Variants in PCDHGB6 observed in about 807,000 individuals in gnomAD.
The protein encoded by PCDHGB6 is protocadherin gamma-B6.
A neutral mutation model predicts 59.1 loss-of-function variants in PCDHGB6; 51 were observed. The observed-to-expected ratio is 0.86, with a 90% CI of 0.69 to 1.09. The LOEUF (loss-of-function observed/expected upper bound fraction) is 1.09. Among genes scored for constraint, PCDHGB6 ranks in the 50% least tolerant of loss-of-function variants. The pLI is 0.00. For missense variants in PCDHGB6, 1,148 were observed against 1,205.1 expected (o/e 0.95, Z 0.70); for synonymous variants, 466 against 495.1 (o/e 0.94, Z 0.78).
chr5:141,409,437 G>A lies in PCDHGB6; in HGVS notation c.1235G>A (p.Arg412Gln). Residue 412 changes from arginine (R) to glutamine (Q), a missense_variant, in exon 1 of 4, where the codon CGA becomes CAA. This residue lies in a region of PCDHGB6 where 549 missense variants were observed against 527.5 expected (regional missense o/e 1.04). Transcript: ENST00000520790. ...CTGGTGACAGATGGAGCCCTGGACC[G>A]AGAGCAGACACCAGAATACAATGTC... ...YKLVTDGALD[R>Q]EQTPEYNVTI... 6.2e-7 allele frequency: 1 copy of A among 1,613,968 alleles called. No homozygotes were observed. Among genetic ancestry groups the A allele is most frequent in the Non-Finnish European group, 8.5e-7 (1 of 1,179,884 alleles).
chr5:141,506,832 C>T (rs1398190563), intron 3 of PCDHGB6, among the ~76,000 whole-genome samples: 1 of 152,130 alleles, frequency 6.6e-6, no homozygotes, highest in African/African-American at 2.4e-5. Flanking sequence ...GAACTGATAG[C>T]CCTGCCCTCC....
chr5:141,420,910 G>T, intron 1 of PCDHGB6: 1 of 311,900 alleles, frequency 3.2e-6, no homozygotes, highest in South Asian at 7.0e-5. Context: ...ACAAATACGT[G>T]TGATTCACAA....
chr5:141,494,037 T>C (rs2099751443), intron 1 of PCDHGB6, among the ~76,000 whole-genome samples: 1 of 152,146 alleles, frequency 6.6e-6, no homozygotes, highest in South Asian at 2.1e-4. Context: ...GAGACTTAGT[T>C]GGCCCTGCTT....
chr5:141,423,569 T>A, intron 1 of PCDHGB6: 2 of 1,613,480 alleles, frequency 1.2e-6, no homozygotes, highest in Non-Finnish European at 1.7e-6. Context: ...GACACGCTCA[T>A]CAGCCAGGAG....
In PCDHGB6 at chr5:141,409,917, C is replaced by G; in HGVS notation, c.1715C>G (p.Ser572Cys). The G allele has an allele frequency of 6.2e-7, 1 of 1,613,376 alleles. No homozygotes were observed. The highest frequency in any genetic ancestry group is 1.1e-5 in the South Asian group (1 of 91,080). The change falls in exon 1 of 4, where the codon TCC (serine) becomes TGC (cysteine). Residue 572 changes from serine (S) to cysteine (C), a missense_variant. This residue lies in a region of PCDHGB6 where 549 missense variants were observed against 527.5 expected (regional missense o/e 1.04). Coordinates refer to ENST00000520790, the MANE Select transcript of PCDHGB6 (RefSeq NM_018926.3). ...TACCCAGCTCTGGGTCCTGACGGCT[C>G]CGCGTTCTTCGATATGGTACCTCGC... ...VLYPALGPDG[S>C]AFFDMVPRSA...
chr5:141,486,590 C>T lies in PCDHGB6; in HGVS notation c.2419-8217C>T, dbSNP rs781629297. On this transcript the variant is annotated intron_variant, in intron 1 of 3. Transcript: ENST00000520790. This position sits in a 1 kb window ranked among gnomAD's most constrained non-coding sequence, Gnocchi z 5.0. Reference sequence around the variant, plus strand: ...TCCTGAGAACAATCGCCCAGGGGACCTGCTTTGCTCCCTTGCAGCCTCTGA... The same window carrying T: ...TCCTGAGAACAATCGCCCAGGGGACTTGCTTTGCTCCCTTGCAGCCTCTGA... The T allele has an allele frequency of 6.2e-7, 1 of 1,613,640 alleles. No individual in the cohort carries two copies.
intron 1 of PCDHGB6, among the ~76,000 whole-genome samples, chr5:141,438,872 G>T (rs13178044): frequency 0.11 from 16,734 of 151,118 alleles, 1,094 homozygotes; most frequent in African/African-American, 0.17. Flanking sequence ...CATCAAGTTG[G>T]CCAGGCTGCT....
rs1167955962 is a variant in PCDHGB6, at chr5:141,477,078, A to G, written c.2419-17729A>G. ...GAGGACACCAAACTCCATGAGATTT[A>G]CATCCAGGCCAAAGACAAGGGCGCC... On this transcript the variant is annotated intron_variant, in intron 1 of 3. Transcript: ENST00000520790. This position sits in a 1 kb window ranked among gnomAD's most constrained non-coding sequence, Gnocchi z 4.9. The G allele has an allele frequency of 6.8e-6, 11 of 1,614,262 alleles. No individual in the cohort carries two copies. In the South Asian group the frequency reaches 1.2e-4, roughly 18 times the overall value.
intron 1 of PCDHGB6, chr5:141,440,247 T>C (rs1158469276): frequency 1.3e-5 from 2 of 152,296 alleles, no homozygotes; most frequent in Non-Finnish European, 2.9e-5. Context: ...GGCGAGCAGA[T>C]TACGAGGTCA....
intron 1 of PCDHGB6, among the ~76,000 whole-genome samples, chr5:141,425,919 G>C (rs11167745): frequency 0.3 from 45,848 of 152,124 alleles, 8,179 homozygotes; most frequent in African/African-American, 0.5. Context: ...CAGTCACTAC[G>C]AAAACTCATA....
Position 141,476,996 on chromosome 5 carries a change from C to T in PCDHGB6, c.2419-17811C>T. The T allele has an allele frequency of 6.2e-7, 1 of 1,614,250 alleles. No homozygotes were observed. Among genetic ancestry groups the T allele is most frequent in the Non-Finnish European group, 8.5e-7 (1 of 1,180,052 alleles). On this transcript the variant is annotated intron_variant, in intron 1 of 3. Coordinates refer to ENST00000520790, the MANE Select transcript of PCDHGB6 (RefSeq NM_018926.3). The surrounding 1 kb of genome is among the most constrained non-coding windows in gnomAD (Gnocchi z 7.6). ...CCACAACCGCGCCGGCGTGCGGCAA[C>T]TATTCGCCTTAGACCTTGTAACCGG...
chr5:141,455,055 G>T (rs1019622889), intron 1 of PCDHGB6, among the ~76,000 whole-genome samples: 1 of 151,602 alleles, frequency 6.6e-6, no homozygotes, highest in African/African-American at 2.4e-5. Flanking sequence ...CTCGTGATCC[G>T]CCCGCCTCGG....
At position 141,431,952 on chromosome 5, in the gene PCDHGB6, AC is replaced by A; in HGVS notation, c.2418+21333del. ...CTGCCCTTTAAATTAGAAAAATCTTACGGAAATTACTATAGTTTAGTCACAG... is the reference window on the plus strand; with the variant it reads ...CTGCCCTTTAAATTAGAAAAATCTTAGGAAATTACTATAGTTTAGTCACAG... On this transcript the variant is annotated intron_variant, in intron 1 of 3. Transcript: ENST00000520790. This position sits in a 1 kb window ranked among gnomAD's most constrained non-coding sequence, Gnocchi z 4.8. 1 of 1,614,166 alleles carries A rather than the reference AC, an allele frequency of 6.2e-7. No homozygotes were observed. The highest frequency in any genetic ancestry group is 1.1e-5 in the South Asian group (1 of 91,090).
chr5:141,414,348 G>A (rs1390188717), intron 1 of PCDHGB6: 1 of 1,613,818 alleles, frequency 6.2e-7, no homozygotes, highest in South Asian at 1.1e-5. Flanking sequence ...GTTCCATTTT[G>A]GCGTATCTAC....
At chr5:141,496,400 A>G (rs540108338) in intron 2 of PCDHGB6, among the ~76,000 whole-genome samples, 2 of 152,240 alleles carry the variant, frequency 1.3e-5, no homozygotes, top group East Asian at 3.9e-4. Flanking sequence ...TACCTCCTCA[A>G]TGGTTGAGTA....
rs1220086382 is a variant in PCDHGB6, at chr5:141,409,507, T to C, written c.1305T>C (p.Ser435=). The change falls in exon 1 of 4, where the codon AGT becomes AGC. Residue 435 remains serine, a synonymous_variant. Transcript: ENST00000520790. ...TDRGKPPLSS[S]RSITLYVADI... ...GGGGCAAGCCGCCTCTTTCTTCCAG[T>C]AGAAGCATCACCTTGTATGTCGCTG... 3 of 1,613,982 alleles carry C rather than the reference T, an allele frequency of 1.9e-6. No homozygotes were observed. The highest frequency in any genetic ancestry group is 1.1e-5 in the South Asian group (1 of 91,082).
Position 141,432,016 on chromosome 5 carries a change from C to T in PCDHGB6, c.2418+21396C>T, listed in dbSNP as rs771650925. The T allele has an allele frequency of 1.2e-6, 2 of 1,614,202 alleles. No homozygotes were observed. The highest frequency in any genetic ancestry group is 3.3e-5 in the Admixed American group (2 of 60,030). On this transcript the variant is annotated intron_variant, in intron 1 of 3. Coordinates refer to ENST00000520790, the MANE Select transcript of PCDHGB6 (RefSeq NM_018926.3). This position sits in a 1 kb window ranked among gnomAD's most constrained non-coding sequence, Gnocchi z 6.0. ...ATAGGGAACAGGTTCCTAGCTACAA[C>T]ATCACAGTGACCGCCACTGACCGGG...
At position 141,489,664 on chromosome 5, in the gene PCDHGB6, A is replaced by G. The variant is rs745597010; in HGVS notation, c.2419-5143A>G. On this transcript the variant is annotated intron_variant, in intron 1 of 3. Transcript: ENST00000520790. The surrounding 1 kb of genome is among the most constrained non-coding windows in gnomAD (Gnocchi z 4.5). ...TGCCACCCCTGAGCGAGAGATGCGCATCTCAGAATCAGCAGCATCTGGGGC... is the reference window on the plus strand; with the variant it reads ...TGCCACCCCTGAGCGAGAGATGCGCGTCTCAGAATCAGCAGCATCTGGGGC... 1 of 1,614,106 alleles carries G rather than the reference A, an allele frequency of 6.2e-7. No homozygotes were observed. The highest frequency in any genetic ancestry group is 8.5e-7 in the Non-Finnish European group (1 of 1,180,050).
At chr5:141,415,747 T>G (rs774746065) in intron 1 of PCDHGB6, 22 of 797,580 alleles carry the variant, frequency 2.8e-5, no homozygotes, top group Middle Eastern at 5.1e-4. Context: ...AAGGTTTTTT[T>G]TTTTTTTTTT....
Sources: gnomAD v4.1 joint callset for allele counts (sites outside exome capture counted in the v4.1 genomes callset) on GRCh38, gnomAD v4.1.1 for gene constraint, gnomAD v4.1.1 regional missense constraint, Gnocchi (gnomAD v3.1) non-coding constraint, MANE v1.5 for transcripts, NCBI Gene and HGNC (gene_info 2026-07-23, HGNC 2026-07-21) for gene names.